COL11A1: variants seen among roughly 807,000 people sequenced by gnomAD.
COL11A1 encodes collagen type XI alpha 1 chain, also known as collagen alpha-1(XI) chain.
COL11A1 carries 74 observed loss-of-function variants against 265.2 expected under a neutral mutation model. The ratio of observed to expected loss-of-function variants is 0.28; its 90% CI spans 0.23 to 0.34. The LOEUF is 0.34. COL11A1 is among the 10% of genes least tolerant of loss of function. COL11A1 has a pLI of 1.00. For missense variants in COL11A1, 2,165 were observed against 2,263.6 expected (o/e 0.96, Z 0.88); for synonymous variants, 816 against 727.6 (o/e 1.12, Z -1.96).
At chr1:103,070,189 T>C (rs1671467591) in intron 4 of COL11A1, among the ~76,000 whole-genome samples, 1 of 140,308 alleles carries the variant, frequency 7.1e-6, no homozygotes, top group African/African-American at 2.6e-5. Context: ...TGTAGCTATG[T>C]GTTAAAATCC....
Position 102,880,050 on chromosome 1 carries a change from T to A in COL11A1, c.5041-134A>T. ...AATCAAAAGACCCACCTTAACCTAA[T>A]GAAAAAAAGTGTACATTGAGGGTCA... On this transcript the variant is annotated intron_variant, in intron 65 of 66. Coordinates refer to ENST00000370096, the MANE Select transcript of COL11A1 (RefSeq NM_001854.4). 3 of 655,134 alleles carry A rather than the reference T, an allele frequency of 4.6e-6. No individual in the cohort carries two copies. The Admixed American group carries it at 7.9e-5, about 17-fold the overall frequency. 40.6% of individuals were successfully genotyped at this position (655,134 alleles called of 1,614,324 possible).
chr1:103,056,997 A>G (rs1467499378), intron 4 of COL11A1, among the ~76,000 whole-genome samples: 1 of 152,114 alleles, frequency 6.6e-6, no homozygotes, highest in African/African-American at 2.4e-5. Flanking sequence ...CTGAGGTTTG[A>G]GGTTGCTGTA....
intron 4 of COL11A1, among the ~76,000 whole-genome samples, chr1:103,046,935 T>G (rs1669322201): frequency 6.6e-6 from 1 of 152,210 alleles, no homozygotes; most frequent in Admixed American, 6.5e-5. Context: ...GCATTATTTC[T>G]GAGGGCTCTG....
At chr1:103,034,349 C>A (rs939929579) in intron 4 of COL11A1, among the ~76,000 whole-genome samples, 1 of 151,824 alleles carries the variant, frequency 6.6e-6, no homozygotes, top group Non-Finnish European at 1.5e-5. Flanking sequence ...GGTGGTGTCC[C>A]GCACTGAGGC....
chr1:102,889,877 T>C (rs958773703), intron 58 of COL11A1, among the ~76,000 whole-genome samples: 6 of 148,602 alleles, frequency 4.0e-5, no homozygotes, highest in Non-Finnish European at 5.9e-5. Flanking sequence ...TCTCCTATAA[T>C]ATAAGTTGAA....
In COL11A1 at chr1:102,945,752, A is replaced by G. The variant is rs1341713978; in HGVS notation, c.3276+1097T>C. 3.9e-5 allele frequency among the ~76,000 whole-genome samples: 6 copies of G among 152,192 alleles called. No individual in the cohort carries two copies. In the East Asian group the frequency reaches 7.7e-4, roughly 20 times the overall value. ...AATCATATCAAAAGCAGGAAAAAAA[A>G]TAGAGAAGAAATCTTAACAAAGAAA... is the stretch of plus-strand genomic sequence containing the variant. On this transcript the variant is annotated intron_variant, in intron 42 of 66. Coordinates refer to ENST00000370096, the MANE Select transcript of COL11A1 (RefSeq NM_001854.4).
At chr1:102,946,151 A>G (rs5001857) in intron 42 of COL11A1, among the ~76,000 whole-genome samples, 111,696 of 123,696 alleles carry the variant, frequency 0.9, 51,184 homozygotes, top group East Asian at 1. Flanking sequence ...CACAGGAAGG[A>G]GAACATGACA....
At chr1:102,962,631 A>T (rs372765554) in intron 39 of COL11A1, 22 bp downstream of exon 39, 130 of 1,611,642 alleles carry the variant, frequency 8.1e-5, no homozygotes, top group Non-Finnish European at 1.0e-4. Context: ...GGCCAAAAAA[A>T]GTTTTCTGAA....
chr1:102,976,992 G>GTA (rs1288656059), intron 35 of COL11A1, among the ~76,000 whole-genome samples: 3 of 152,006 alleles, frequency 2.0e-5, no homozygotes, highest in African/African-American at 7.3e-5. Flanking sequence ...AAAAGTTTAT[G>GTA]TATACATATA....
rs112227719 is a variant in COL11A1 at position 102,975,809 on chromosome 1, G to T, written c.2755-926C>A. 3.6e-3 allele frequency among the ~76,000 whole-genome samples: 544 copies of T among 152,110 alleles called. 5 individuals are homozygous for T. The highest frequency in any genetic ancestry group is 0.013 in the African/African-American group (529 of 41,522). On this transcript the variant is annotated intron_variant, in intron 35 of 66. Coordinates refer to ENST00000370096, the MANE Select transcript of COL11A1 (RefSeq NM_001854.4). ...AGTTTACTGAAGTTGGCCTTCAATA[G>T]AATTTACTCTTTCTATTTATCAATC...
rs766967694 is a variant in COL11A1 at position 102,979,455 on chromosome 1, T to A, written c.2557-20A>T. The A allele has an allele frequency of 3.9e-6, 6 of 1,554,068 alleles. No homozygotes were observed. In the Admixed American group the frequency reaches 8.4e-5, roughly 22 times the overall value. On this transcript the variant is annotated intron_variant, in intron 31 of 66. Coordinates refer to ENST00000370096, the MANE Select transcript of COL11A1 (RefSeq NM_001854.4). ...GGAACCCTACAATAATAAAAGTAAA[T>A]AATGAATAAACATGGCAATTAACAT... is the stretch of plus-strand genomic sequence containing the variant.
At chr1:103,034,350 G>A (rs550620813) in intron 4 of COL11A1, among the ~76,000 whole-genome samples, 26 of 151,844 alleles carry the variant, frequency 1.7e-4, no homozygotes, top group Admixed American at 8.6e-4. Context: ...GTGGTGTCCC[G>A]CACTGAGGCT....
intron 62 of COL11A1, among the ~76,000 whole-genome samples, chr1:102,887,803 G>T (rs910000270): frequency 6.6e-5 from 10 of 152,224 alleles, no homozygotes; most frequent in Admixed American, 4.6e-4. Context: ...ATAAAAAGGA[G>T]AAATTTAAAC....
At chr1:102,907,217 T>C (rs777450341) in intron 54 of COL11A1, among the ~76,000 whole-genome samples, 14 of 152,156 alleles carry the variant, frequency 9.2e-5, no homozygotes, top group Non-Finnish European at 1.5e-4. Flanking sequence ...TAATTTTGTT[T>C]ACAAAGTGAC....
At chr1:103,074,921 G>A (rs1671857947) in intron 3 of COL11A1, 141 bp from the exon 4 acceptor site, 1 of 982,348 alleles carries the variant, frequency 1.0e-6, no homozygotes, top group Admixed American at 2.0e-5. Flanking sequence ...TTATTAAGCA[G>A]CCAGTTAACA....
chr1:102,946,697 C>A lies in COL11A1; in HGVS notation c.3276+152G>T, dbSNP rs189834282. 702 of 604,086 alleles carry A rather than the reference C, an allele frequency of 1.2e-3. 6 individuals are homozygous for A. The African/African-American group carries it at 0.012, about 10-fold the overall frequency. 37.4% of individuals were successfully genotyped at this position (604,086 alleles called of 1,614,324 possible). A position where few individuals can be genotyped will look rare whatever the true frequency, so the allele number is the denominator to read the frequency against. ...CTCATTTAATTGAATTTGAAATTTT[C>A]TCTATTATACATATACGAGCCAGGG... On this transcript the variant is annotated intron_variant, in intron 42 of 66. Coordinates refer to ENST00000370096, the MANE Select transcript of COL11A1 (RefSeq NM_001854.4).
chr1:102,957,345 A>G (rs1475018574), intron 41 of COL11A1, among the ~76,000 whole-genome samples: 2 of 152,102 alleles, frequency 1.3e-5, no homozygotes, highest in Non-Finnish European at 2.9e-5. Context: ...TGGGACACAT[A>G]CAAACTTTGC....
At chr1:103,002,058 A>C in intron 23 of COL11A1, 89 bp from the exon 24 acceptor site, 1 of 1,105,542 alleles carries the variant, frequency 9.0e-7, no homozygotes, top group Non-Finnish European at 1.4e-6. Flanking sequence ...ACTATAGTAC[A>C]CAGTGAGTTA....
chr1:103,101,518 A>G (rs1198953743), intron 1 of COL11A1, among the ~76,000 whole-genome samples: 2 of 151,934 alleles, frequency 1.3e-5, no homozygotes, highest in Non-Finnish European at 2.9e-5. Context: ...CAGGGAGTCT[A>G]TGTGAAAATC....
Sources: gnomAD v4.1 joint callset for allele counts (sites outside exome capture counted in the v4.1 genomes callset) on GRCh38, gnomAD v4.1.1 for gene constraint, MANE v1.5 for transcripts, NCBI Gene and HGNC (gene_info 2026-07-23, HGNC 2026-07-21) for gene names.